Variants in ABCA2 observed in about 807,000 individuals in gnomAD.
ABCA2 encodes the protein ATP binding cassette subfamily A member 2.
In ABCA2, 84 loss-of-function variants were observed where a neutral mutation model predicts 262.8. That is an observed-to-expected ratio of 0.32 (90% CI 0.27 to 0.38). ABCA2 has a LOEUF of 0.38. Among genes scored for constraint, ABCA2 ranks in the 10% least tolerant of loss-of-function variants. The probability of loss-of-function intolerance (pLI) is 1.00; values close to 1 mark genes in which losing one functional copy is unlikely to be tolerated. For synonymous variants in ABCA2, 1,696 were observed against 1,502.9 expected (o/e 1.13, Z -2.97); for missense variants, 2,662 against 3,405.9 (o/e 0.78, Z 5.44).
rs200632052 is a variant in ABCA2 at position 137,021,017 on chromosome 9, C to T, written c.942G>A (p.Ala314=). The T allele has an allele frequency of 1.8e-3, 2,731 of 1,487,428 alleles. 4 individuals are homozygous for T. Among genetic ancestry groups the T allele is most frequent in the Non-Finnish European group, 2.2e-3 (2,464 of 1,117,462 alleles). The allele number at this position is 1,487,428 out of a possible 1,614,324, so 92.1% of individuals were successfully genotyped here. A position where few individuals can be genotyped will look rare whatever the true frequency, so the allele number is the denominator to read the frequency against. ...APNGSDSSPQ[A]PPPRRLQALL... ...GCGCCTGCAGCCTCCGTGGGGGTGG[C>T]GCCTGTGGCGAGGAGTCCGAGCCGT... The change falls in exon 9 of 49, where the codon GCG becomes GCA. Residue 314 remains alanine, a synonymous_variant. Coordinates refer to ENST00000341511, the MANE Select transcript of ABCA2 (RefSeq NM_001606.5). The surrounding 1 kb of genome is among the most constrained non-coding windows in gnomAD (Gnocchi z 6.0).
At position 137,022,456 on chromosome 9, in the gene ABCA2, C is replaced by G; in HGVS notation, c.462G>C (p.Ser154=). The change falls in exon 6 of 49, where the codon TCG becomes TCC. Residue 154 remains serine (S), a synonymous_variant. Transcript: ENST00000341511. ...AGAGCTCCTGCGGGTTTCTGGCCAC[C>G]GAGTCCAGAGAGAAGGAAGACACTG... is the stretch of plus-strand genomic sequence containing the variant. ...RSTVSSFSLD[S]VARNPQELWR... is the part of the protein sequence containing the mutation. 2 of 1,611,824 alleles carry G rather than the reference C, an allele frequency of 1.2e-6. No individual in the cohort carries two copies. The highest frequency in any genetic ancestry group is 1.7e-6 in the Non-Finnish European group (2 of 1,179,698).
intron 6 of ABCA2, 77 bp from the exon 7 acceptor site, chr9:137,022,078 C>A: frequency 3.2e-6 from 1 of 307,890 alleles, no homozygotes; most frequent in Non-Finnish European, 4.7e-6. Context: ...CTCCGATGGA[C>A]GTGTGGGGGC....
upstream of ABCA2, chr9:137,028,271 C>G (rs539722008): frequency 1.0e-6 from 1 of 978,428 alleles, no homozygotes; most frequent in Non-Finnish European, 1.2e-6. This position sits in a 1 kb window ranked among gnomAD's most constrained non-coding sequence, Gnocchi z 6.9. Flanking sequence ...GGGACCCGAT[C>G]CGCGCTGGCT....
intron 39 of ABCA2, 55 bp from the exon 40 acceptor site, chr9:137,010,792 C>T (rs1411876742): frequency 6.4e-7 from 1 of 1,553,810 alleles, no homozygotes; most frequent in African/African-American, 1.4e-5. Flanking sequence ...CTGCCCCTCC[C>T]TGCCACCAGC....
At chr9:137,010,407 GC>G (rs1463593854) in intron 40 of ABCA2, 36 bp from the exon 41 acceptor site, 2 of 1,546,940 alleles carry the variant, frequency 1.3e-6, no homozygotes, top group Non-Finnish European at 1.7e-6. Context: ...GGGGCATCCT[GC>G]CCCCACCCTG....
At position 137,009,426 on chromosome 9, in the gene ABCA2, G is replaced by A. The variant is rs1394902909; in HGVS notation, c.6771C>T (p.Ala2257=). Reference sequence around the variant, plus strand: ...ACCGCAGGCGACCGTTCACCATGATGGCCAGCCGCGTGCACAGCGCCTCGC... The same window carrying A: ...ACCGCAGGCGACCGTTCACCATGATAGCCAGCCGCGTGCACAGCGCCTCGC... ...EECEALCTRL[A]IMVNGRLRCL... Residue 2257 remains alanine, a synonymous_variant, in exon 45 of 49, where the codon GCC becomes GCT. Coordinates refer to ENST00000341511, the MANE Select transcript of ABCA2 (RefSeq NM_001606.5). The A allele has an allele frequency of 1.2e-6, 2 of 1,601,386 alleles. No homozygotes were observed. The highest frequency in any genetic ancestry group is 8.5e-7 in the Non-Finnish European group (1 of 1,174,976).
chr9:137,015,238 C>T (rs890883744), intron 24 of ABCA2, 141 bp from the exon 25 acceptor site: 54 of 1,208,192 alleles, frequency 4.5e-5, no homozygotes, highest in Middle Eastern at 2.9e-4. Flanking sequence ...CAGGGGGTGA[C>T]GCTGAGGACC....
At position 137,010,626 on chromosome 9, in the gene ABCA2, C is replaced by T. The variant is rs964978809; in HGVS notation, c.6168G>A (p.Leu2056=). The change falls in exon 40 of 49, where the codon CTG becomes CTA. Residue 2056 remains leucine (L), a synonymous_variant. Coordinates refer to ENST00000341511, the MANE Select transcript of ABCA2 (RefSeq NM_001606.5). ...ADNDMVKIEN[L]TKVYKSRKIG... ...CTACATGCCCAGAGCCCACCTTGGTCAGGTTCTCAATCTTGACCATGTCAT... is the reference window on the plus strand; with the variant it reads ...CTACATGCCCAGAGCCCACCTTGGTTAGGTTCTCAATCTTGACCATGTCAT... The T allele has an allele frequency of 8.3e-6, 7 of 842,608 alleles. No homozygotes were observed. Among genetic ancestry groups the T allele is most frequent in the Middle Eastern group, 2.5e-4 (1 of 3,950 alleles). 52.2% of individuals were successfully genotyped at this position (842,608 alleles called of 1,614,324 possible).
rs773884091 is a variant in ABCA2, at chr9:137,018,334, G to C, written c.1837C>G (p.Arg613Gly). ...TGAGGCGGGAGCGAGCCGTCCTTCCGGGTCTGGAAGATCACACCTGGGGCC... is the reference window on the plus strand; with the variant it reads ...TGAGGCGGGAGCGAGCCGTCCTTCCCGGTCTGGAAGATCACACCTGGGGCC... ...TVFASVIFQT[R>G]KDGSLPPHVH... Residue 613 changes from arginine (R) to glycine (G), a missense_variant, in exon 14 of 49, where the codon CGG (arginine) becomes GGG (glycine). Arg to Gly is a moderately radical substitution (Grantham distance 125). This residue lies in a region of ABCA2 where 187 missense variants were observed against 205.9 expected (regional missense o/e 0.91). Transcript: ENST00000341511. The C allele has an allele frequency of 3.1e-6, 5 of 1,599,102 alleles. No individual in the cohort carries two copies. The highest frequency in any genetic ancestry group is 1.1e-5 in the South Asian group (1 of 90,262).
chr9:137,015,845 T>C lies in ABCA2; in HGVS notation c.3344A>G (p.Asn1115Ser). Reference protein sequence around the residue: ...DKMIEDLELSNKRHSLVQTLS... With the variant: ...DKMIEDLELSSKRHSLVQTLS... Reference sequence around the variant, plus strand: ...TGTCTGCACCAGTGAGTGCCGTTTGTTGGAGAGCTCCAGGTCCTCGATCAT... The same window carrying C: ...TGTCTGCACCAGTGAGTGCCGTTTGCTGGAGAGCTCCAGGTCCTCGATCAT... The change falls in exon 23 of 49, where the codon AAC becomes AGC. Residue 1115 changes from asparagine (N) to serine (S), a missense_variant. By Grantham distance (46) the Asn-to-Ser change is conservative (BLOSUM62 1). Around this residue, in one of 12 missense-constraint regions of ABCA2, gnomAD observed 180 missense variants for 307.3 expected, o/e 0.59. Transcript: ENST00000341511. 2 of 1,610,730 alleles carry C rather than the reference T, an allele frequency of 1.2e-6. No homozygotes were observed. The highest frequency in any genetic ancestry group is 1.7e-6 in the Non-Finnish European group (2 of 1,178,538).
intron 26 of ABCA2, 106 bp downstream of exon 26, chr9:137,014,584 C>T: frequency 6.6e-7 from 1 of 1,504,726 alleles, no homozygotes; most frequent in South Asian, 1.3e-5. Context: ...TGGCTTCCAC[C>T]CAGGACCAGG....
At position 137,013,676 on chromosome 9, in the gene ABCA2, G is replaced by A. The variant is rs1297504192; in HGVS notation, c.4448-113C>T. 38 of 1,353,804 alleles carry A rather than the reference G, an allele frequency of 2.8e-5. 1 individual carries two copies. In the Middle Eastern group the frequency reaches 8.6e-4, roughly 31 times the overall value. 83.9% of individuals were successfully genotyped at this position (1,353,804 alleles called of 1,614,324 possible). ...GATCCACGCCTGGGGTCTGGGACCC[G>A]AGGAGACAGGACTCCCGGATGAACC... On this transcript the variant is annotated intron_variant, in intron 28 of 48. Coordinates refer to ENST00000341511, the MANE Select transcript of ABCA2 (RefSeq NM_001606.5).
rs758891059 is a variant in ABCA2, at chr9:137,007,884, T to G, written c.*45A>C. On this transcript the variant is annotated 3_prime_UTR_variant, in exon 49 of 49. Coordinates refer to ENST00000341511, the MANE Select transcript of ABCA2 (RefSeq NM_001606.5). Reference sequence around the variant, plus strand: ...CATTGTTGAGTCCCTGGCCCAGCTCTGGGTGGTCAGTGGAGCGTGTCCTCC... The same window carrying G: ...CATTGTTGAGTCCCTGGCCCAGCTCGGGGTGGTCAGTGGAGCGTGTCCTCC... 25 of 1,602,218 alleles carry G rather than the reference T, an allele frequency of 1.6e-5. No individual in the cohort carries two copies. The highest frequency in any genetic ancestry group is 2.1e-5 in the Non-Finnish European group (25 of 1,179,010).
chr9:137,013,309 T>C lies in ABCA2; in HGVS notation c.4560A>G (p.Leu1520=), dbSNP rs1238413075. Residue 1520 remains leucine, a synonymous_variant, in exon 30 of 49, where the codon CTA becomes CTG. Transcript: ENST00000341511. Reference sequence around the variant, plus strand: ...GCTGCTGGGGGCTGGCGTCGGGCGATAGCCGCAGCCTGCGGGCACCGACAG... The same window carrying C: ...GCTGCTGGGGGCTGGCGTCGGGCGACAGCCGCAGCCTGCGGGCACCGACAG... ...NEERREYRLR[L]SPDASPQQLV... 1.3e-6 allele frequency: 2 copies of C among 1,554,056 alleles called. No homozygotes were observed. Among genetic ancestry groups the C allele is most frequent in the Non-Finnish European group, 1.7e-6 (2 of 1,156,386 alleles).
chr9:137,022,519 T>G (rs778502027), intron 5 of ABCA2, 41 bp from the exon 6 acceptor site: 1 of 1,599,714 alleles, frequency 6.3e-7, no homozygotes, highest in Non-Finnish European at 8.5e-7. Context: ...CCGCTGCACC[T>G]TGGCAAGGTG....
chr9:137,014,367 C>T lies in ABCA2; in HGVS notation c.4041G>A (p.Ala1347=), dbSNP rs748544395. 113 of 1,597,248 alleles carry T rather than the reference C, an allele frequency of 7.1e-5. No individual in the cohort carries two copies. Among genetic ancestry groups the T allele is most frequent in the Admixed American group, 3.1e-4 (18 of 58,386 alleles). ...KESRKDVLPG[A]EGPASGEGHA... ...GACCCTCCCCAGACGCCGGGCCCTC[C>T]GCCCCAGGGAGCACATCCTTCCTGG... The change falls in exon 27 of 49, where the codon GCG becomes GCA. Residue 1347 remains alanine (A), a synonymous_variant. Transcript: ENST00000341511.
rs755898065 is a variant in ABCA2 at position 137,013,844 on chromosome 9, C to T, written c.4435G>A (p.Val1479Ile). 1.7e-5 allele frequency: 27 copies of T among 1,607,414 alleles called. No individual in the cohort carries two copies. Among genetic ancestry groups the T allele is most frequent in the Admixed American group, 3.4e-5 (2 of 59,306 alleles). Residue 1479 changes from valine (V) to isoleucine (I), a missense_variant, in exon 28 of 49, where the codon GTC becomes ATC. This residue lies in a region of ABCA2 where 75 missense variants were observed against 118.3 expected (regional missense o/e 0.63). Coordinates refer to ENST00000341511, the MANE Select transcript of ABCA2 (RefSeq NM_001606.5). ...GCCGGTGGCCTACCAATCTCCGGGA[C>T]GGACAGGGCCACGGTCATGGCCACG... ...VCVAMTVALSVPEIGDLPPLV... is the reference protein window; with the variant it reads ...VCVAMTVALSIPEIGDLPPLV...
At position 137,021,269 on chromosome 9, in the gene ABCA2, C is replaced by T. The variant is rs555138812; in HGVS notation, c.897+123G>A. ...CAGCCATGGTGCCATTGGATACCCACCCACAGGCAGCATCCCACGCACAGC... is the reference window on the plus strand; with the variant it reads ...CAGCCATGGTGCCATTGGATACCCATCCACAGGCAGCATCCCACGCACAGC... On this transcript the variant is annotated intron_variant, in intron 8 of 48. Transcript: ENST00000341511. The surrounding 1 kb of genome is among the most constrained non-coding windows in gnomAD (Gnocchi z 6.0). 1.4e-4 allele frequency: 184 copies of T among 1,347,358 alleles called. 4 individuals carry two copies. In the East Asian group the frequency reaches 4.1e-3, roughly 30 times the overall value. 83.5% of individuals were successfully genotyped at this position (1,347,358 alleles called of 1,614,324 possible).
In ABCA2 at chr9:137,008,988, C is replaced by T. The variant is rs374853474; in HGVS notation, c.6893G>A (p.Arg2298Gln). The T allele has an allele frequency of 1.3e-4, 205 of 1,606,810 alleles. No individual in the cohort carries two copies. The highest frequency in any genetic ancestry group is 2.1e-4 in the South Asian group (19 of 91,016). ...TTCCGGGAAGTTGCGGTTGAAGAAC[C>T]GCACCACGTCCTTCACACTCTGGCT... The part of the protein sequence containing the change: ...KSSQSVKDVV[R>Q]FFNRNFPEAM... Residue 2298 changes from arginine to glutamine, a missense_variant, in exon 46 of 49, where the codon CGG becomes CAG. This residue lies in a region of ABCA2 where 212 missense variants were observed against 214.4 expected (regional missense o/e 0.99). Coordinates refer to ENST00000341511, the MANE Select transcript of ABCA2 (RefSeq NM_001606.5).
Sources: allele counts gnomAD v4.1 joint callset, GRCh38; gene constraint gnomAD v4.1.1; regional missense constraint gnomAD v4.1.1; non-coding constraint Gnocchi (gnomAD v3.1); transcripts MANE v1.5; gene names NCBI Gene and HGNC (gene_info 2026-07-23, HGNC 2026-07-21).